ERC2: variants seen among roughly 807,000 people sequenced by gnomAD.
ERC2 encodes ELKS/RAB6-interacting/CAST family member 2, also known as ERC protein 2.
Under a neutral mutation model 114.8 loss-of-function variants are expected in ERC2, and 42 were observed. That is an observed-to-expected ratio of 0.37 (90% CI 0.29 to 0.47). The LOEUF (loss-of-function observed/expected upper bound fraction) is 0.47. Ranked by LOEUF, ERC2 falls within the 20% of genes least tolerant of loss-of-function variation. ERC2 has a pLI of 0.99. For synonymous variants in ERC2, 454 were observed against 425.5 expected, an observed-to-expected ratio of 1.07 and a Z score of -0.82; for missense variants, 939 against 1,150.7, an observed-to-expected ratio of 0.82 and a Z score of 2.66.
At chr3:56,280,171 G>T (rs1294064422) in intron 3 of ERC2, among the ~76,000 whole-genome samples, 1 of 152,074 alleles carries the variant, frequency 6.6e-6, no homozygotes, top group Non-Finnish European at 1.5e-5. Flanking sequence ...AAAATGGAGG[G>T]GGGTGCCACA....
chr3:55,993,253 C>T (rs569059928), intron 10 of ERC2, among the ~76,000 whole-genome samples: 1 of 152,066 alleles, frequency 6.6e-6, no homozygotes, highest in Non-Finnish European at 1.5e-5. Context: ...AAGTCATATA[C>T]GTATGTATCT....
At chr3:56,011,574 G>A (rs1350066117) in intron 8 of ERC2, among the ~76,000 whole-genome samples, 1 of 150,496 alleles carries the variant, frequency 6.6e-6, no homozygotes, top group African/African-American at 2.4e-5. Flanking sequence ...CCAAAAATAG[G>A]GAATCTGCCT....
chr3:56,090,756 C>T (rs2077743453), intron 6 of ERC2, among the ~76,000 whole-genome samples: 1 of 150,352 alleles, frequency 6.7e-6, no homozygotes, highest in African/African-American at 2.5e-5. Flanking sequence ...AACATTGTGC[C>T]CGATAGGTGA....
chr3:56,132,672 T>A (rs1388092688), intron 6 of ERC2, among the ~76,000 whole-genome samples: 1 of 152,180 alleles, frequency 6.6e-6, no homozygotes, highest in East Asian at 1.9e-4. Context: ...ACTATAAATG[T>A]ACGACATGTG....
chr3:56,238,902 T>C (rs907853671), intron 3 of ERC2, among the ~76,000 whole-genome samples: 9 of 152,230 alleles, frequency 5.9e-5, no homozygotes, highest in African/African-American at 1.7e-4. Context: ...TCCAGAGTTA[T>C]TTCAAGAAGA....
chr3:55,909,413 G>C (rs2064667109), intron 13 of ERC2, among the ~76,000 whole-genome samples: 1 of 152,168 alleles, frequency 6.6e-6, no homozygotes, highest in Non-Finnish European at 1.5e-5. Context: ...CCAAGAATCT[G>C]GGATCTTGGT....
intron 6 of ERC2, among the ~76,000 whole-genome samples, chr3:56,101,872 T>C (rs1336574774): frequency 6.6e-6 from 1 of 152,210 alleles, no homozygotes; most frequent in Admixed American, 6.5e-5. Context: ...GCTGAGCAGA[T>C]GAAAGTGGCC....
intron 2 of ERC2, among the ~76,000 whole-genome samples, chr3:56,345,735 T>C (rs1315604019): frequency 1.3e-5 from 2 of 152,180 alleles, no homozygotes; most frequent in African/African-American, 4.8e-5. Flanking sequence ...CAGAGCAGTA[T>C]TGAGGTTTCC....
intron 3 of ERC2, among the ~76,000 whole-genome samples, chr3:56,191,453 G>A (rs2047774395): frequency 6.6e-6 from 1 of 152,060 alleles, no homozygotes; most frequent in South Asian, 2.1e-4. Context: ...AGCCAGTTTA[G>A]GTCTTCTTCA....
chr3:56,405,550 T>C (rs565027529), intron 2 of ERC2, among the ~76,000 whole-genome samples: 1 of 152,240 alleles, frequency 6.6e-6, no homozygotes, highest in South Asian at 2.1e-4. Flanking sequence ...AGGAAAAGAA[T>C]CAATGAATGT....
At chr3:55,984,916 G>C (rs1302737117) in intron 12 of ERC2, among the ~76,000 whole-genome samples, 1 of 152,196 alleles carries the variant, frequency 6.6e-6, no homozygotes, top group Non-Finnish European at 1.5e-5. Flanking sequence ...GACATGCCTT[G>C]TTTTGAAATA....
At chr3:56,406,220 A>G (rs926666025) in intron 2 of ERC2, among the ~76,000 whole-genome samples, 4 of 152,076 alleles carry the variant, frequency 2.6e-5, no homozygotes, top group African/African-American at 9.7e-5. Flanking sequence ...AAGACTTTTG[A>G]TATACATTTG....
intron 17 of ERC2, among the ~76,000 whole-genome samples, chr3:55,621,171 A>T (rs80063436): frequency 0.014 from 2,066 of 149,230 alleles, 46 homozygotes; most frequent in African/African-American, 0.051. Flanking sequence ...CTCCAGCCAG[A>T]GTTGGTTTCT....
chr3:56,368,657 T>C (rs1349649263), intron 2 of ERC2, among the ~76,000 whole-genome samples: 1 of 152,148 alleles, frequency 6.6e-6, no homozygotes, highest in East Asian at 1.9e-4. Context: ...AGGGATTTCA[T>C]CTCGAATTCT....
At chr3:55,675,894 CTTTTCTTTCTTTTTTTTT>C (rs1371522181) in intron 17 of ERC2, among the ~76,000 whole-genome samples, 22 of 70,502 alleles carry the variant, frequency 3.1e-4, no homozygotes, top group Non-Finnish European at 4.5e-4. Context: ...CTTTCTTTCT[CTTTTCTTTCTTTTTTTTT>C]TTTTTTTTTT....
At chr3:55,715,496 G>A (rs2064066180) in intron 15 of ERC2, among the ~76,000 whole-genome samples, 1 of 152,038 alleles carries the variant, frequency 6.6e-6, no homozygotes, top group African/African-American at 2.4e-5. Flanking sequence ...TAATTATATA[G>A]AAGCTTGGAC....
intron 3 of ERC2, among the ~76,000 whole-genome samples, chr3:56,246,467 T>C (rs2051717533): frequency 6.6e-6 from 1 of 152,208 alleles, no homozygotes; most frequent in South Asian, 2.1e-4. Flanking sequence ...CTTTTTAGTT[T>C]CATTTTATTA....
chr3:55,942,266 CTTTTTTTTTTTTTTTTTT>C (rs56851837), intron 13 of ERC2, among the ~76,000 whole-genome samples: 5 of 42,114 alleles, frequency 1.2e-4, no homozygotes, highest in South Asian at 1.1e-3. Context: ...AAGGTCCTTT[CTTTTTTTTTTTTTTTTTT>C]TTTTTTTTTT....
intron 17 of ERC2, among the ~76,000 whole-genome samples, chr3:55,601,874 C>T (rs999197404): frequency 2.6e-5 from 4 of 152,186 alleles, no homozygotes; most frequent in South Asian, 2.1e-4. Flanking sequence ...AAAAGTCCAT[C>T]GGACAGGAAC....
Sources: allele counts gnomAD v4.1 joint callset (sites outside exome capture counted in the v4.1 genomes callset), GRCh38; gene constraint gnomAD v4.1.1; transcripts MANE v1.5; gene names NCBI Gene and HGNC (gene_info 2026-07-23, HGNC 2026-07-21).